KIAA1671: variants seen among roughly 807,000 people sequenced by gnomAD.
KIAA1671 encodes KIAA1671.
A neutral mutation model predicts 131.2 loss-of-function variants in KIAA1671; 52 were observed. The ratio of observed to expected loss-of-function variants is 0.40; its 90% CI spans 0.32 to 0.50. KIAA1671 has a LOEUF of 0.50. KIAA1671 is among the 20% of genes least tolerant of loss of function. KIAA1671 has a pLI of 0.73. For synonymous variants in KIAA1671, 1,003 were observed against 961.6 expected, an observed-to-expected ratio of 1.04 and a Z score of -0.80; for missense variants, 2,360 against 2,364.2, an observed-to-expected ratio of 1.00 and a Z score of 0.04.
intron 6 of KIAA1671, among the ~76,000 whole-genome samples, chr22:25,107,969 T>C (rs1931112647): frequency 1.3e-5 from 2 of 151,974 alleles, no homozygotes; most frequent in South Asian, 2.1e-4. Context: ...TATCACGCCA[T>C]TGCACTCCAG....
chr22:25,172,092 G>C (rs1388355229), intron 7 of KIAA1671, among the ~76,000 whole-genome samples: 1 of 152,200 alleles, frequency 6.6e-6, no homozygotes, highest in Non-Finnish European at 1.5e-5. Context: ...CATGAAATAT[G>C]TGTTTAGTTA....
chr22:25,074,066 C>G (rs1388504696), intron 6 of KIAA1671, among the ~76,000 whole-genome samples: 3 of 152,132 alleles, frequency 2.0e-5, no homozygotes, highest in Non-Finnish European at 4.4e-5. Flanking sequence ...AGTATTTTGT[C>G]TTTCTGTGCC....
At chr22:25,032,260 G>A (rs1481829237) in intron 3 of KIAA1671, among the ~76,000 whole-genome samples, 1 of 152,204 alleles carries the variant, frequency 6.6e-6, no homozygotes, top group African/African-American at 2.4e-5. Flanking sequence ...AGGGCCTTGA[G>A]TAGCCTCTTA....
intron 1 of KIAA1671, among the ~76,000 whole-genome samples, chr22:24,994,006 A>G (rs1923975730): frequency 6.6e-6 from 1 of 152,056 alleles, no homozygotes; most frequent in Non-Finnish European, 1.5e-5. Flanking sequence ...GCTTGAACCC[A>G]GCAGGTGGAG....
At chr22:25,109,747 G>A (rs896893913) in intron 6 of KIAA1671, among the ~76,000 whole-genome samples, 3 of 152,230 alleles carry the variant, frequency 2.0e-5, no homozygotes, top group African/African-American at 4.8e-5. Context: ...TGGGCTGTGA[G>A]CCCTCTGCTC....
chr22:25,152,422 CAT>C (rs547763011), intron 6 of KIAA1671, among the ~76,000 whole-genome samples: 87 of 144,998 alleles, frequency 6.0e-4, no homozygotes, highest in Admixed American at 8.8e-4. Context: ...GCTGTGAGCA[CAT>C]GTGTACACAC....
chr22:25,098,889 G>A (rs1359957318), intron 6 of KIAA1671, among the ~76,000 whole-genome samples: 1 of 152,212 alleles, frequency 6.6e-6, no homozygotes, highest in Non-Finnish European at 1.5e-5. Context: ...CTCCCCATGT[G>A]CAGAGAAGCA....
At chr22:25,112,080 C>T (rs1036619480) in intron 6 of KIAA1671, 4 of 397,996 alleles carry the variant, frequency 1.0e-5, no homozygotes, top group Non-Finnish European at 1.8e-5. Context: ...CCCAAAACTT[C>T]CATGAGCAAA....
intron 6 of KIAA1671, among the ~76,000 whole-genome samples, chr22:25,148,948 A>G (rs960942789): frequency 2.6e-5 from 4 of 152,194 alleles, no homozygotes; most frequent in Non-Finnish European, 5.9e-5. Flanking sequence ...GATCTATACC[A>G]AGAGTTCTGA....
At chr22:25,108,005 C>T (rs1256664494) in intron 6 of KIAA1671, among the ~76,000 whole-genome samples, 1 of 151,542 alleles carries the variant, frequency 6.6e-6, no homozygotes, top group South Asian at 2.1e-4. Flanking sequence ...AAGACTTTGT[C>T]TCAAAAAAAA....
intron 1 of KIAA1671, among the ~76,000 whole-genome samples, chr22:24,978,013 C>G (rs1272064339): frequency 1.3e-5 from 2 of 152,296 alleles, no homozygotes; most frequent in Admixed American, 1.3e-4. Flanking sequence ...GTAATCATAG[C>G]AGTTAACGTA....
intron 1 of KIAA1671, among the ~76,000 whole-genome samples, chr22:24,971,411 T>G (rs5760768): frequency 0.43 from 65,658 of 152,090 alleles, 16,573 homozygotes; most frequent in East Asian, 0.75. Context: ...TCCACAAATT[T>G]GGGCATCTAC....
At chr22:25,117,233 A>G (rs1407463617) in intron 6 of KIAA1671, among the ~76,000 whole-genome samples, 1 of 152,152 alleles carries the variant, frequency 6.6e-6, no homozygotes, top group Non-Finnish European at 1.5e-5. Context: ...AGTGACTTAA[A>G]TATGGGGAGA....
intron 11 of KIAA1671, 176 bp downstream of exon 11, chr22:25,185,295 A>G (rs767483811): frequency 1.4e-6 from 1 of 736,850 alleles, no homozygotes; most frequent in East Asian, 3.0e-5. Flanking sequence ...TAAAAAGTAC[A>G]ACAGAGGCCG....
At chr22:25,180,656 AT>A (rs1273986467) in intron 9 of KIAA1671, among the ~76,000 whole-genome samples, 9 of 152,314 alleles carry the variant, frequency 5.9e-5, no homozygotes, top group African/African-American at 1.9e-4. Context: ...GCCTTTGTTC[AT>A]TTGGGATTTG....
At chr22:25,049,106 T>G in intron 5 of KIAA1671, 124 bp from the exon 6 acceptor site, 4 of 1,186,752 alleles carry the variant, frequency 3.4e-6, no homozygotes, top group Non-Finnish European at 4.6e-6. Flanking sequence ...AAGTGGGGGA[T>G]TTCTGGGGGT....
chr22:25,108,369 C>G (rs1412564862), intron 6 of KIAA1671, among the ~76,000 whole-genome samples: 1 of 152,156 alleles, frequency 6.6e-6, no homozygotes, highest in East Asian at 1.9e-4. Flanking sequence ...GCGGGGAGGA[C>G]TCAGCTCTTT....
intron 1 of KIAA1671, among the ~76,000 whole-genome samples, chr22:25,007,127 C>T (rs1224043153): frequency 2.0e-5 from 3 of 152,092 alleles, no homozygotes; most frequent in South Asian, 2.1e-4. Flanking sequence ...GGATGTTCTG[C>T]CCCCAAAACT....
At chr22:25,034,619 T>C (rs1156778005) in intron 4 of KIAA1671, among the ~76,000 whole-genome samples, 1 of 152,194 alleles carries the variant, frequency 6.6e-6, no homozygotes, top group Non-Finnish European at 1.5e-5. Context: ...TGATGGACAA[T>C]TGGGTTGTTA....
Sources: allele counts gnomAD v4.1 joint callset (sites outside exome capture counted in the v4.1 genomes callset), GRCh38; gene constraint gnomAD v4.1.1; transcripts MANE v1.5; gene names NCBI Gene and HGNC (gene_info 2026-07-23, HGNC 2026-07-21).